Variants in SOX5 observed in about 807,000 individuals in gnomAD.
SOX5 encodes SRY-box transcription factor 5, also known as transcription factor SOX-5.
Under a neutral mutation model 92.0 loss-of-function variants are expected in SOX5, and 9 were observed. The ratio of observed to expected loss-of-function variants is 0.10; its 90% confidence interval spans 0.06 to 0.17. SOX5 has a LOEUF of 0.17. Ranked by LOEUF, SOX5 falls within the 10% of genes least tolerant of loss-of-function variation. The probability of loss-of-function intolerance (pLI) is 1.00; values close to 1 mark genes in which losing one functional copy is unlikely to be tolerated. For missense variants in SOX5, 642 were observed against 944.5 expected (o/e 0.68, Z 4.20); for synonymous variants, 344 against 336.3 (o/e 1.02, Z -0.25).
At chr12:24,254,949 G>A (rs1224924375) in intron 3 of SOX5, among the ~76,000 whole-genome samples, 1 of 152,162 alleles carries the variant, frequency 6.6e-6, no homozygotes. Flanking sequence ...AGAAACAGAA[G>A]AGGAGATCAC....
chr12:24,392,363 T>C (rs1338833067), intron 1 of SOX5, among the ~76,000 whole-genome samples: 4 of 152,170 alleles, frequency 2.6e-5, no homozygotes, highest in African/African-American at 4.8e-5. Flanking sequence ...GATCTTACTA[T>C]GCCTTCCTTT....
chr12:23,611,350 CATCGTGTGTGTGTGTG>C (rs1220458279), intron 8 of SOX5, among the ~76,000 whole-genome samples: 3 of 147,710 alleles, frequency 2.0e-5, no homozygotes, highest in Admixed American at 6.9e-5. Context: ...AAAAGTATTC[CATCGTGTGTGTGTGTG>C]TGCGTGTGTG....
chr12:24,052,396 T>C (rs1392029008), intron 4 of SOX5, among the ~76,000 whole-genome samples: 1 of 152,200 alleles, frequency 6.6e-6, no homozygotes, highest in Non-Finnish European at 1.5e-5. Context: ...AAATATTTAA[T>C]ACTCTCTTGT....
intron 10 of SOX5, among the ~76,000 whole-genome samples, chr12:23,572,063 C>T (rs1052175839): frequency 6.6e-6 from 1 of 152,146 alleles, no homozygotes; most frequent in African/African-American, 2.4e-5. Flanking sequence ...TTTTAAGGAT[C>T]TCCTTCCTTT....
chr12:23,808,198 T>C (rs917289169), intron 3 of SOX5, among the ~76,000 whole-genome samples: 2 of 152,116 alleles, frequency 1.3e-5, no homozygotes, highest in African/African-American at 4.8e-5. Context: ...GAGATATCTC[T>C]ACAAATATAG....
chr12:23,579,052 G>A (rs983564597), intron 9 of SOX5, among the ~76,000 whole-genome samples: 10 of 152,200 alleles, frequency 6.6e-5, no homozygotes, highest in African/African-American at 2.4e-4. Context: ...CAGTGTGAGT[G>A]TATAGTGAGG....
intron 4 of SOX5, among the ~76,000 whole-genome samples, chr12:24,162,079 A>G (rs1287667549): frequency 6.6e-6 from 1 of 152,096 alleles, no homozygotes; most frequent in Non-Finnish European, 1.5e-5. Context: ...GATCGGTAAA[A>G]GAGACATTAG....
intron 1 of SOX5, among the ~76,000 whole-genome samples, chr12:23,914,882 T>C (rs1029165968): frequency 6.6e-6 from 1 of 152,134 alleles, no homozygotes; most frequent in Non-Finnish European, 1.5e-5. Flanking sequence ...AGAAACTCTT[T>C]AACCAAAATT....
intron 2 of SOX5, among the ~76,000 whole-genome samples, 160 bp downstream of exon 2, chr12:23,895,633 A>G (rs1249831127): frequency 6.6e-6 from 1 of 152,202 alleles, no homozygotes; most frequent in Non-Finnish European, 1.5e-5. Flanking sequence ...TATGCTGCTT[A>G]TTGGAACAAA....
At position 23,846,029 on chromosome 12, in the gene SOX5, G is replaced by C. The variant is rs570543041; in HGVS notation, c.435C>G (p.Thr145=). ...RKGSLADVVD[T]LKQRKMEELI... ...GCTCTTCCATTTTCCTCTGCTTCAA[G>C]GTGTCAACAACATCAGCTAAACTGC... The change falls in exon 3 of 15, where the codon ACC becomes ACG. Residue 145 remains threonine (T), a synonymous_variant. Coordinates refer to ENST00000451604, the MANE Select transcript of SOX5 (RefSeq NM_006940.6). 3.1e-6 allele frequency: 5 copies of C among 1,614,068 alleles called. No individual in the cohort carries two copies. The African/African-American group carries it at 6.7e-5, about 22-fold the overall frequency.
intron 4 of SOX5, among the ~76,000 whole-genome samples, chr12:24,075,232 G>T (rs1942399524): frequency 7.2e-6 from 1 of 138,876 alleles, no homozygotes; most frequent in Admixed American, 8.0e-5. Context: ...TACCATCACT[G>T]CACTCCAGCC....
chr12:24,029,186 G>A (rs1450574990), intron 4 of SOX5, among the ~76,000 whole-genome samples: 2 of 151,862 alleles, frequency 1.3e-5, no homozygotes, highest in Non-Finnish European at 2.9e-5. Flanking sequence ...TTTTAAATCC[G>A]TGTATTTCCT....
intron 1 of SOX5, among the ~76,000 whole-genome samples, chr12:24,533,427 A>G (rs902047865): frequency 2.6e-5 from 4 of 152,212 alleles, no homozygotes; most frequent in African/African-American, 9.6e-5. Flanking sequence ...GTAGTTAGGA[A>G]ACATGCTTTT....
intron 4 of SOX5, among the ~76,000 whole-genome samples, chr12:24,090,710 G>C (rs148155339): frequency 7.4e-4 from 112 of 152,268 alleles, no homozygotes; most frequent in Non-Finnish European, 1.4e-3. Flanking sequence ...ATGTAAGATA[G>C]AGCAAGATCT....
intron 8 of SOX5, among the ~76,000 whole-genome samples, chr12:23,628,848 A>G (rs1488358862): frequency 6.6e-6 from 1 of 151,042 alleles, no homozygotes; most frequent in East Asian, 1.9e-4. Context: ...ATAGGGCTCT[A>G]TTTTCAAGTC....
At chr12:24,518,699 G>C (rs1405453226) in intron 1 of SOX5, among the ~76,000 whole-genome samples, 1 of 152,066 alleles carries the variant, frequency 6.6e-6, no homozygotes, top group African/African-American at 2.4e-5. Context: ...ATCACACATA[G>C]TCATTTACAT....
chr12:24,333,454 C>A (rs1216322109), intron 2 of SOX5, among the ~76,000 whole-genome samples: 1 of 151,946 alleles, frequency 6.6e-6, no homozygotes, highest in Non-Finnish European at 1.5e-5. Context: ...TTAACGGGAT[C>A]TTAAGAGATT....
At chr12:24,289,954 C>G (rs968837827) in intron 2 of SOX5, among the ~76,000 whole-genome samples, 1 of 152,164 alleles carries the variant, frequency 6.6e-6, no homozygotes, top group African/African-American at 2.4e-5. Context: ...CATCACCAGA[C>G]TCTCTTTCAA....
chr12:24,334,440 T>C (rs1193599098), intron 2 of SOX5, among the ~76,000 whole-genome samples: 1 of 152,002 alleles, frequency 6.6e-6, no homozygotes, highest in Non-Finnish European at 1.5e-5. Context: ...AATGAAAATA[T>C]ACAAAAAATT....
Sources: allele counts gnomAD v4.1 joint callset (sites outside exome capture counted in the v4.1 genomes callset), GRCh38; gene constraint gnomAD v4.1.1; transcripts MANE v1.5; gene names NCBI Gene and HGNC (gene_info 2026-07-23, HGNC 2026-07-21).